The following TEAD1 variants were observed in gnomAD, a reference collection of about 807,000 sequenced individuals.
TEAD1 encodes the protein TEA domain transcription factor 1.
Under a neutral mutation model 54.9 loss-of-function variants are expected in TEAD1, and 9 were observed. The observed-to-expected ratio is 0.16, with a 90% confidence interval of 0.10 to 0.29. TEAD1 has a LOEUF of 0.29. Among genes scored for constraint, TEAD1 ranks in the 10% least tolerant of loss-of-function variants. TEAD1 has a pLI of 1.00. For synonymous variants in TEAD1, 200 were observed against 187.8 expected, an observed-to-expected ratio of 1.07 and a Z score of -0.53; for missense variants, 387 against 535.9, an observed-to-expected ratio of 0.72 and a Z score of 2.74.
At chr11:12,677,355 G>C (rs956416622) in intron 2 of TEAD1, among the ~76,000 whole-genome samples, 2 of 151,934 alleles carry the variant, frequency 1.3e-5, no homozygotes, top group African/African-American at 4.8e-5. Context: ...CATAAGGGCG[G>C]GTTTGGGAGG....
chr11:12,677,649 T>C (rs1943125225), intron 2 of TEAD1, among the ~76,000 whole-genome samples: 1 of 152,226 alleles, frequency 6.6e-6, no homozygotes, highest in African/African-American at 2.4e-5. Flanking sequence ...AAGAATATAC[T>C]TTTATCATCG....
At chr11:12,874,522 T>C (rs1436172197) in intron 5 of TEAD1, among the ~76,000 whole-genome samples, 1 of 152,218 alleles carries the variant, frequency 6.6e-6, no homozygotes, top group African/African-American at 2.4e-5. Flanking sequence ...TCATGAAATA[T>C]GAAAGCCTGT....
At chr11:12,860,873 G>A (rs1192196270) in intron 3 of TEAD1, among the ~76,000 whole-genome samples, 8 of 152,138 alleles carry the variant, frequency 5.3e-5, no homozygotes, top group African/African-American at 1.9e-4. Context: ...ACCTAGTTGG[G>A]CAATTAGAGA....
intron 10 of TEAD1, among the ~76,000 whole-genome samples, chr11:12,923,771 T>A (rs895674707): frequency 1.3e-5 from 2 of 152,330 alleles, no homozygotes; most frequent in African/African-American, 4.8e-5. Context: ...CTGAAAGCCC[T>A]ACTTATAGCA....
intron 3 of TEAD1, among the ~76,000 whole-genome samples, chr11:12,842,825 C>A (rs1348538232): frequency 6.6e-6 from 1 of 152,132 alleles, no homozygotes; most frequent in Non-Finnish European, 1.5e-5. Flanking sequence ...AACCTTCTGA[C>A]ACTAACTTTA....
chr11:12,736,414 G>T (rs887496665), intron 2 of TEAD1, among the ~76,000 whole-genome samples: 38 of 152,134 alleles, frequency 2.5e-4, no homozygotes, highest in Non-Finnish European at 8.8e-5. Context: ...AAAAAATAGG[G>T]ATTTAAAATG....
rs527589606 is a variant in TEAD1, at chr11:12,715,490, G to A, written c.-55+39929G>A. On this transcript the variant is annotated intron_variant, in intron 2 of 12. Transcript: ENST00000527636. ...GGGCTGGTTGCCTTCGTTTCACCTG[G>A]GTGGGGGGCCCAGGTGTTCTGCTCC... Among the ~76,000 whole-genome samples, 24 of 152,244 alleles carry A rather than the reference G, an allele frequency of 1.6e-4. No homozygotes were observed. The South Asian group carries it at 4.8e-3, about 30-fold the overall frequency.
At position 12,674,486 on chromosome 11, in the gene TEAD1, G is replaced by GCCGCCGCCGCGGCC. The variant is rs1239461780; in HGVS notation, c.-547_-534dup. The GCCGCCGCCGCGGCC allele has an allele frequency of 2.0e-5, 3 of 151,364 alleles. No homozygotes were observed. Among genetic ancestry groups the GCCGCCGCCGCGGCC allele is most frequent in the South Asian group, 3.8e-4 (2 of 5,298 alleles). 9.4% of individuals were successfully genotyped at this position (151,364 alleles called of 1,614,324 possible). ...GCCTGAGCCGAGCCGAGCCTCTGCT[G>GCCGCCGCCGCGGCC]CCGCCGCCGCGGCCCCGCCGCCCGC... On this transcript the variant is annotated 5_prime_UTR_variant, in exon 1 of 13. Transcript: ENST00000527636.
At chr11:12,680,048 A>AGCT (rs1943184416) in intron 2 of TEAD1, among the ~76,000 whole-genome samples, 1 of 34,990 alleles carries the variant, frequency 2.9e-5, no homozygotes, top group South Asian at 1.1e-3. Context: ...CTTCTAAGAG[A>AGCT]GAAATACGCA....
chr11:12,703,120 G>A (rs999928943), intron 2 of TEAD1, among the ~76,000 whole-genome samples: 4 of 152,088 alleles, frequency 2.6e-5, no homozygotes, highest in Non-Finnish European at 2.9e-5. Context: ...ACCAATGAGC[G>A]CATTCCCCTT....
chr11:12,782,400 A>C (rs898502514), intron 3 of TEAD1, among the ~76,000 whole-genome samples: 2 of 152,224 alleles, frequency 1.3e-5, no homozygotes, highest in Non-Finnish European at 2.9e-5. Context: ...AATCATATGA[A>C]TCATACGAAA....
intron 10 of TEAD1, chr11:12,904,963 CG>C (rs966980145): frequency 2.7e-4 from 61 of 229,342 alleles, no homozygotes; most frequent in African/African-American, 1.4e-3. Flanking sequence ...AATTTATTTA[CG>C]AGTGTAAAGG....
At chr11:12,695,377 TGGA>T (rs1214514223) in intron 2 of TEAD1, among the ~76,000 whole-genome samples, 1 of 152,200 alleles carries the variant, frequency 6.6e-6, no homozygotes, top group Non-Finnish European at 1.5e-5. Context: ...TGTCTAAACT[TGGA>T]GGAGATTTTT....
intron 2 of TEAD1, among the ~76,000 whole-genome samples, chr11:12,749,157 G>A (rs573055258): frequency 2.4e-4 from 36 of 152,252 alleles, no homozygotes; most frequent in African/African-American, 8.2e-4. Flanking sequence ...TGTTTTGCCT[G>A]TGGGGGACTT....
chr11:12,924,881 A>G, intron 10 of TEAD1, 31 bp from the exon 11 acceptor site: 2 of 1,614,064 alleles, frequency 1.2e-6, no homozygotes, highest in African/African-American at 2.7e-5. Context: ...GGATGAGAGA[A>G]TAACCCACAC....
At chr11:12,774,184 C>T (rs113858505) in intron 3 of TEAD1, among the ~76,000 whole-genome samples, 25 of 152,118 alleles carry the variant, frequency 1.6e-4, no homozygotes, top group African/African-American at 6.0e-4. Context: ...AGAGGCAGCA[C>T]TGAGATTAGA....
intron 3 of TEAD1, among the ~76,000 whole-genome samples, chr11:12,821,131 G>C (rs1206173154): frequency 1.3e-5 from 2 of 152,202 alleles, no homozygotes; most frequent in Non-Finnish European, 2.9e-5. Context: ...CCACTTCTCT[G>C]TTGCTGCCCA....
chr11:12,928,038 A>C (rs1012194334), intron 11 of TEAD1, among the ~76,000 whole-genome samples: 7 of 152,166 alleles, frequency 4.6e-5, no homozygotes, highest in African/African-American at 1.7e-4. Flanking sequence ...TATTTTACTT[A>C]GGATTTTTAT....
intron 9 of TEAD1, among the ~76,000 whole-genome samples, chr11:12,888,808 G>A (rs544243868): frequency 1.3e-5 from 2 of 152,204 alleles, no homozygotes; most frequent in South Asian, 4.1e-4. Context: ...TGGGAAGTAG[G>A]ATTCAGATCC....
Sources: gnomAD v4.1 joint callset for allele counts (sites outside exome capture counted in the v4.1 genomes callset) on GRCh38, gnomAD v4.1.1 for gene constraint, MANE v1.5 for transcripts, NCBI Gene and HGNC (gene_info 2026-07-23, HGNC 2026-07-21) for gene names.